The following DOP1B variants were observed in gnomAD, a reference collection of about 807,000 sequenced individuals.
DOP1B encodes the protein protein DOP1B.
In DOP1B, 174 loss-of-function variants were observed where a neutral mutation model predicts 233.5. The ratio of observed to expected loss-of-function variants is 0.75; its 90% CI spans 0.66 to 0.85. The LOEUF (loss-of-function observed/expected upper bound fraction) is 0.85, where lower values mean the gene tolerates loss of function less well. DOP1B is among the 40% of genes least tolerant of loss of function. The pLI, the probability that DOP1B is intolerant of heterozygous loss-of-function variation, is 0.00. For synonymous variants in DOP1B, 1,190 were observed against 1,185.6 expected (o/e 1.00, Z -0.08); for missense variants, 2,652 against 2,846.6 (o/e 0.93, Z 1.56).
chr21:36,170,082 A>G lies in DOP1B; in HGVS notation c.138+5211A>G, dbSNP rs886626898. 1.2e-5 allele frequency: 8 copies of G among 674,480 alleles called. No homozygotes were observed. In the African/African-American group the frequency reaches 1.4e-4, roughly 12 times the overall value. The allele number at this position is 674,480 out of a possible 1,614,324, so 41.8% of individuals were successfully genotyped here. On this transcript the variant is annotated intron_variant, in intron 2 of 36. Transcript: ENST00000691173. ...TGACCAGCTTGGAAGGGTCATCCTT[A>G]GGGAAGCTCTTCACCTTCCCACGTT... is the stretch of plus-strand genomic sequence containing the variant.
At chr21:36,240,911 A>G (rs2066885830) in intron 18 of DOP1B, among the ~76,000 whole-genome samples, 1 of 152,200 alleles carries the variant, frequency 6.6e-6, no homozygotes, top group African/African-American at 2.4e-5. Context: ...ATTCATTCCA[A>G]GAAAAGTAAC....
intron 32 of DOP1B, among the ~76,000 whole-genome samples, chr21:36,285,103 A>G (rs2067467364): frequency 6.6e-6 from 1 of 152,176 alleles, no homozygotes; most frequent in South Asian, 2.1e-4. Context: ...TCTGTTGCCC[A>G]GGCTGGAGTG....
chr21:36,257,922 G>A (rs1228658380), intron 23 of DOP1B, among the ~76,000 whole-genome samples: 2 of 150,676 alleles, frequency 1.3e-5, no homozygotes, highest in Admixed American at 6.6e-5. Flanking sequence ...GATAGATGTA[G>A]GTACGTAGGT....
chr21:36,248,510 C>G lies in DOP1B; in HGVS notation c.4940C>G (p.Pro1647Arg). 1 of 1,614,150 alleles carries G rather than the reference C, an allele frequency of 6.2e-7. No individual in the cohort carries two copies. The highest frequency in any genetic ancestry group is 1.3e-5 in the African/African-American group (1 of 75,066). ...AGAAAGGAGGAGACTCAAAAGAGACCTGTCGATCTCCTAGGGGCCACGAAG... is the reference window on the plus strand; with the variant it reads ...AGAAAGGAGGAGACTCAAAAGAGACGTGTCGATCTCCTAGGGGCCACGAAG... The part of the protein sequence containing the change: ...VLRKEETQKR[P>R]VDLLGATKGS... The change falls in exon 21 of 37, where the codon CCT (proline) becomes CGT (arginine). Residue 1647 changes from proline (P) to arginine (R), a missense_variant. By Grantham distance (103) the Pro-to-Arg change is moderately radical. Around this residue, in one of 3 missense-constraint regions of DOP1B, gnomAD observed 2,617 missense variants for 2,794.3 expected, o/e 0.94. Transcript: ENST00000691173.
chr21:36,219,972 C>T (rs554259408), intron 10 of DOP1B, among the ~76,000 whole-genome samples: 11 of 151,828 alleles, frequency 7.2e-5, no homozygotes, highest in African/African-American at 2.2e-4. Context: ...GGCAGGGCAC[C>T]GGAGAGCACA....
chr21:36,219,946 G>C (rs1170115260), intron 10 of DOP1B, among the ~76,000 whole-genome samples: 1 of 151,664 alleles, frequency 6.6e-6, no homozygotes, highest in Non-Finnish European at 1.5e-5. Flanking sequence ...TGTTGGGGGA[G>C]ATTGGGGGAG....
chr21:36,168,232 CCG>C (rs2065935185), intron 2 of DOP1B, among the ~76,000 whole-genome samples: 3 of 152,076 alleles, frequency 2.0e-5, no homozygotes, highest in African/African-American at 7.2e-5. Flanking sequence ...ACATGAGCCA[CCG>C]CGCCGAGCCA....
chr21:36,204,790 G>A (rs2066409402), intron 4 of DOP1B, among the ~76,000 whole-genome samples: 1 of 151,496 alleles, frequency 6.6e-6, no homozygotes, highest in Non-Finnish European at 1.5e-5. Flanking sequence ...GAGTAGCTGG[G>A]ACTACAGGCA....
chr21:36,230,924 T>C lies in DOP1B; in HGVS notation c.2140T>C (p.Ser714Pro). ...TCCATTCAAGACAAAAAGTTCAGAG[T>C]CACCATCGTCTTCGCCCAGCAGCCC... Reference protein sequence around the residue: ...GSPFKTKSSESPSSSPSSPAR... With the variant: ...GSPFKTKSSEPPSSSPSSPAR... Residue 714 changes from serine (S) to proline (P), a missense_variant, in exon 14 of 37, where the codon TCA becomes CCA. This residue lies in a region of DOP1B where 2,617 missense variants were observed against 2,794.3 expected (regional missense o/e 0.94). Transcript: ENST00000691173. 1.2e-6 allele frequency: 2 copies of C among 1,614,042 alleles called. No homozygotes were observed. Among genetic ancestry groups the C allele is most frequent in the South Asian group, 2.2e-5 (2 of 91,074 alleles).
intron 18 of DOP1B, among the ~76,000 whole-genome samples, chr21:36,241,776 A>G (rs2066895021): frequency 1.3e-5 from 2 of 149,688 alleles, no homozygotes; most frequent in Admixed American, 1.3e-4. Flanking sequence ...CCTGACCCCA[A>G]ATGATCCTCC....
At chr21:36,193,949 C>A (rs1299497095) in intron 2 of DOP1B, among the ~76,000 whole-genome samples, 1 of 152,174 alleles carries the variant, frequency 6.6e-6, no homozygotes, top group Non-Finnish European at 1.5e-5. Context: ...ATGCTAAATT[C>A]TTTATACATG....
In DOP1B at chr21:36,281,634, T is replaced by C. The variant is rs564384684; in HGVS notation, c.6160+23T>C. 1.7e-5 allele frequency: 26 copies of C among 1,537,408 alleles called. No homozygotes were observed. In the African/African-American group the frequency reaches 2.5e-4, roughly 15 times the overall value. ...AAGGTAAGACAGCTGTCTTAGTCTG[T>C]TTTTTGCTGCTATAACAGAATACCT... On this transcript the variant is annotated intron_variant, in intron 32 of 36. Coordinates refer to ENST00000691173, the MANE Select transcript of DOP1B (RefSeq NM_001320714.2).
chr21:36,176,097 C>CGTGTGCGTATGTGTGTGTGTGT (rs375729449), intron 2 of DOP1B, among the ~76,000 whole-genome samples: 5 of 141,744 alleles, frequency 3.5e-5, no homozygotes, highest in East Asian at 4.2e-4. Flanking sequence ...GGTGTGTGTG[C>CGTGTGCGTATGTGTGTGTGTGT]GTGTGTGTGT....
intron 22 of DOP1B, among the ~76,000 whole-genome samples, chr21:36,253,038 A>C (rs903688418): frequency 3.9e-5 from 6 of 152,286 alleles, no homozygotes; most frequent in African/African-American, 1.4e-4. Context: ...TCAGTGTCCA[A>C]GGCCACCCTC....
In DOP1B at chr21:36,212,201, G is replaced by A. The variant is rs1237794795; in HGVS notation, c.904+104G>A. ...TCTTGGTGATGTATCTCTGAATCAT[G>A]AAGTATGGAAAGATACCACAATGAC... On this transcript the variant is annotated intron_variant, in intron 7 of 36. Transcript: ENST00000691173. 13 of 1,331,696 alleles carry A rather than the reference G, an allele frequency of 9.8e-6. No individual in the cohort carries two copies. The South Asian group carries it at 2.0e-4, about 21-fold the overall frequency. The allele number at this position is 1,331,696 out of a possible 1,614,324, so 82.5% of individuals were successfully genotyped here. A position where few individuals can be genotyped will look rare whatever the true frequency, so the allele number is the denominator to read the frequency against.
intron 9 of DOP1B, among the ~76,000 whole-genome samples, chr21:36,218,532 T>A (rs983288714): frequency 5.9e-5 from 9 of 151,960 alleles, no homozygotes; most frequent in East Asian, 1.9e-4. Flanking sequence ...CCAAAAAAAA[T>A]AATAATAAAT....
At chr21:36,273,777 T>G (rs1247584403) in intron 27 of DOP1B, among the ~76,000 whole-genome samples, 1 of 151,900 alleles carries the variant, frequency 6.6e-6, no homozygotes, top group Non-Finnish European at 1.5e-5. Flanking sequence ...TCGGGCTTGG[T>G]AGAAAGCACA....
chr21:36,280,451 C>A, intron 31 of DOP1B, 105 bp downstream of exon 31: 1 of 720,896 alleles, frequency 1.4e-6, no homozygotes, highest in Non-Finnish European at 2.3e-6. Context: ...TTTCATGGTG[C>A]TGTCTACGCC....
chr21:36,164,210 T>C (rs1223534719), intron 1 of DOP1B, among the ~76,000 whole-genome samples: 1 of 152,184 alleles, frequency 6.6e-6, no homozygotes, highest in Non-Finnish European at 1.5e-5. Context: ...TCCCAGCTAC[T>C]TGGGAGGCTG....
Sources: allele counts gnomAD v4.1 joint callset (sites outside exome capture counted in the v4.1 genomes callset), GRCh38; gene constraint gnomAD v4.1.1; regional missense constraint gnomAD v4.1.1; transcripts MANE v1.5; gene names NCBI Gene and HGNC (gene_info 2026-07-23, HGNC 2026-07-21).